SLC2A14: variants seen among roughly 807,000 people sequenced by gnomAD.
SLC2A14 encodes solute carrier family 2, facilitated glucose transporter member 14.
Under a neutral mutation model 43.0 loss-of-function variants are expected in SLC2A14, and 13 were observed. The ratio of observed to expected loss-of-function variants is 0.30; its 90% confidence interval spans 0.20 to 0.48. The LOEUF is 0.48. Ranked by LOEUF, SLC2A14 falls within the 20% of genes least tolerant of loss-of-function variation. The pLI is 0.99. For missense variants in SLC2A14, 428 were observed against 620.4 expected, an observed-to-expected ratio of 0.69 and a Z score of 3.29; for synonymous variants, 190 against 233.8, an observed-to-expected ratio of 0.81 and a Z score of 1.71.
At chr12:7,821,147 C>T in intron 8 of SLC2A14, 74 bp downstream of exon 8, 4 of 1,103,784 alleles carry the variant, frequency 3.6e-6, no homozygotes, top group East Asian at 2.4e-5. Context: ...ACGGTGGAGC[C>T]ATGCAATCCA....
Position 7,815,630 on chromosome 12 carries a change from G to A in SLC2A14, c.1276-1096C>T, listed in dbSNP as rs1341368652. Among the ~76,000 whole-genome samples, 4 of 152,140 alleles carry A rather than the reference G, an allele frequency of 2.6e-5. No individual in the cohort carries two copies. The East Asian group carries it at 7.7e-4, about 29-fold the overall frequency. ...TCGCTCTTGTTGCCCAGGCTGGAGT[G>A]CAATGGCATGAGCTCCGCTCACAGC... is the stretch of plus-strand genomic sequence containing the variant. On this transcript the variant is annotated intron_variant, in intron 10 of 10. Transcript: ENST00000431042.
intron 2 of SLC2A14, among the ~76,000 whole-genome samples, chr12:7,845,090 G>C (rs569423290): frequency 1.3e-5 from 2 of 152,042 alleles, no homozygotes; most frequent in Non-Finnish European, 2.9e-5. Flanking sequence ...CCCTAGCCAC[G>C]TTCATTTTTC....
intron 2 of SLC2A14, among the ~76,000 whole-genome samples, chr12:7,842,222 CTTTT>C (rs1262107556): frequency 6.6e-6 from 1 of 152,086 alleles, no homozygotes; most frequent in Admixed American, 6.6e-5. Flanking sequence ...TGGCTCATTT[CTTTT>C]TATCACTGGA....
intron 1 of SLC2A14, among the ~76,000 whole-genome samples, chr12:7,878,919 G>A (rs952252471): frequency 4.7e-5 from 6 of 126,684 alleles, no homozygotes; most frequent in Non-Finnish European, 1.6e-5. Context: ...GGAGGTTGCA[G>A]TAAGCTGAGA....
intron 10 of SLC2A14, among the ~76,000 whole-genome samples, chr12:7,815,659 C>T (rs753635151): frequency 2.0e-5 from 3 of 152,234 alleles, no homozygotes; most frequent in Admixed American, 2.0e-4. Context: ...TCACAGCATC[C>T]TCCGCCTCCC....
chr12:7,844,949 G>A (rs936191027), intron 2 of SLC2A14, among the ~76,000 whole-genome samples: 4 of 152,034 alleles, frequency 2.6e-5, no homozygotes, highest in African/African-American at 4.8e-5. Flanking sequence ...AAACTTTTGT[G>A]GTAAGTAAGT....
chr12:7,851,250 C>T (rs1291236389), intron 2 of SLC2A14, among the ~76,000 whole-genome samples: 1 of 152,174 alleles, frequency 6.6e-6, no homozygotes, highest in Non-Finnish European at 1.5e-5. Flanking sequence ...AAGAAGGATA[C>T]TAGCTATTTT....
chr12:7,882,085 T>G (rs920149719), intron 1 of SLC2A14, among the ~76,000 whole-genome samples: 1 of 152,044 alleles, frequency 6.6e-6, no homozygotes, highest in East Asian at 1.9e-4. Context: ...CTTTCTACAC[T>G]TGGAGGCTTT....
At chr12:7,874,392 G>C (rs972272709), upstream of SLC2A14, among the ~76,000 whole-genome samples, 1 of 151,838 alleles carries the variant, frequency 6.6e-6, no homozygotes, top group Admixed American at 6.6e-5. Context: ...AGTATATTTA[G>C]GCAGGATGCA....
At chr12:7,890,952 A>G in intron 1 of SLC2A14, 1 of 1,508,578 alleles carries the variant, frequency 6.6e-7, no homozygotes, top group Middle Eastern at 1.7e-4. Flanking sequence ...CATCCTCGAC[A>G]TGGACTACCT....
chr12:7,874,820 ATAT>A (rs1162799101), upstream of SLC2A14, among the ~76,000 whole-genome samples: 3 of 96,480 alleles, frequency 3.1e-5, no homozygotes, highest in Non-Finnish European at 4.5e-5. Context: ...ACGTATTTAT[ATAT>A]AAATTATATA....
At chr12:7,881,343 G>A (rs1168975609) in intron 1 of SLC2A14, among the ~76,000 whole-genome samples, 2 of 151,964 alleles carry the variant, frequency 1.3e-5, no homozygotes, top group Admixed American at 1.3e-4. Context: ...TTCCGGGTGG[G>A]TTTGGGCTCG....
intron 2 of SLC2A14, among the ~76,000 whole-genome samples, chr12:7,848,297 AAT>A (rs1393505528): frequency 6.6e-6 from 1 of 152,098 alleles, no homozygotes; most frequent in African/African-American, 2.4e-5. Context: ...AAAAGCCAGG[AAT>A]ATGTCCCTTA....
intron 2 of SLC2A14, among the ~76,000 whole-genome samples, chr12:7,854,797 A>C (rs1867219466): frequency 6.6e-6 from 1 of 151,214 alleles, no homozygotes; most frequent in African/African-American, 2.4e-5. Context: ...GATTACAGGC[A>C]TCTCACTTTA....
intron 2 of SLC2A14, among the ~76,000 whole-genome samples, chr12:7,863,007 AG>A (rs1227578949): frequency 1.3e-5 from 2 of 152,160 alleles, no homozygotes; most frequent in African/African-American, 4.8e-5. Flanking sequence ...AGGCTGCCCA[AG>A]CCCGCATTGG....
intron 2 of SLC2A14, among the ~76,000 whole-genome samples, chr12:7,847,564 T>C (rs940270942): frequency 5.9e-5 from 9 of 152,178 alleles, no homozygotes; most frequent in Non-Finnish European, 1.3e-4. Flanking sequence ...TGTGTTTTCT[T>C]AGGGTTTTGT....
At chr12:7,835,531 G>A (rs1865378025) in intron 2 of SLC2A14, among the ~76,000 whole-genome samples, 1 of 152,212 alleles carries the variant, frequency 6.6e-6, no homozygotes, top group Non-Finnish European at 1.5e-5. Context: ...ATCTAAATCT[G>A]CAGAATGTAA....
intron 6 of SLC2A14, 93 bp downstream of exon 6, chr12:7,828,611 G>GA: frequency 7.5e-7 from 1 of 1,325,330 alleles, no homozygotes; most frequent in Non-Finnish European, 1.0e-6. Flanking sequence ...GACGGGCAGG[G>GA]AAAGGGTACG....
chr12:7,874,950 AT>A (rs1945420349), upstream of SLC2A14, among the ~76,000 whole-genome samples: 2 of 7,200 alleles, frequency 2.8e-4, no homozygotes, highest in East Asian at 1.4e-3. Context: ...ATATATAAAT[AT>A]ATTTATATAT....
Sources: allele counts gnomAD v4.1 joint callset (sites outside exome capture counted in the v4.1 genomes callset), GRCh38; gene constraint gnomAD v4.1.1; transcripts MANE v1.5; gene names NCBI Gene and HGNC (gene_info 2026-07-23, HGNC 2026-07-21).